Variants in CLIP4 observed in about 807,000 individuals in gnomAD.
The protein encoded by CLIP4 is CAP-Gly domain-containing linker protein 4.
In CLIP4, 47 loss-of-function variants were observed where a neutral mutation model predicts 73.1. The observed-to-expected ratio is 0.64, with a 90% CI of 0.51 to 0.82. The LOEUF (loss-of-function observed/expected upper bound fraction) is 0.82, where lower values mean the gene tolerates loss of function less well. CLIP4 is among the 40% of genes least tolerant of loss of function. The pLI, the probability that CLIP4 is intolerant of heterozygous loss-of-function variation, is 0.00. For missense variants in CLIP4, 874 were observed against 852.9 expected, an observed-to-expected ratio of 1.02 and a Z score of -0.31; for synonymous variants, 306 against 295.4, an observed-to-expected ratio of 1.04 and a Z score of -0.37.
intron 11 of CLIP4, among the ~76,000 whole-genome samples, chr2:29,159,350 G>GA (rs1667138068): frequency 1.3e-5 from 2 of 151,950 alleles, no homozygotes; most frequent in South Asian, 2.1e-4. Flanking sequence ...GTACTGATGG[G>GA]ACAAGGCTCA....
chr2:29,117,389 G>C (rs1419563858), intron 1 of CLIP4, among the ~76,000 whole-genome samples: 1 of 150,936 alleles, frequency 6.6e-6, no homozygotes. Flanking sequence ...TGTCACCCAG[G>C]CTGCAGTGCA....
chr2:29,139,520 C>T (rs1665610286), intron 6 of CLIP4, among the ~76,000 whole-genome samples: 1 of 152,114 alleles, frequency 6.6e-6, no homozygotes, highest in Non-Finnish European at 1.5e-5. Flanking sequence ...AGAAATCCCT[C>T]CTCCTTGGTT....
chr2:29,138,621 C>G (rs534448065), intron 6 of CLIP4, among the ~76,000 whole-genome samples: 2 of 152,032 alleles, frequency 1.3e-5, no homozygotes, highest in African/African-American at 4.8e-5. Flanking sequence ...TTTAATGATA[C>G]TGATTCTTCC....
At chr2:29,154,041 A>G (rs1264509304) in intron 9 of CLIP4, among the ~76,000 whole-genome samples, 1 of 152,178 alleles carries the variant, frequency 6.6e-6, no homozygotes, top group Non-Finnish European at 1.5e-5. Context: ...TCAGTTTTTA[A>G]ATTATGAGTT....
Position 29,162,029 on chromosome 2 carries a change from A to G in CLIP4, c.1534+1562A>G, listed in dbSNP as rs1320207251. On this transcript the variant is annotated intron_variant, in intron 12 of 15. Transcript: ENST00000320081. ...CTTAGGTCTCCAGGTAGTAATTGAGATTAGTTAGGATATACTTAATATAGG... is the reference window on the plus strand; with the variant it reads ...CTTAGGTCTCCAGGTAGTAATTGAGGTTAGTTAGGATATACTTAATATAGG... Among the ~76,000 whole-genome samples the G allele has an allele frequency of 3.3e-5, 5 of 152,176 alleles. No homozygotes were observed. In the East Asian group the frequency reaches 9.6e-4, roughly 29 times the overall value.
At position 29,182,701 on chromosome 2, in the gene CLIP4, A is replaced by C. The variant is rs1321000803; in HGVS notation, c.*808A>C. 2 of 152,626 alleles carry C rather than the reference A, an allele frequency of 1.3e-5. No homozygotes were observed. Among genetic ancestry groups the C allele is most frequent in the Non-Finnish European group, 2.9e-5 (2 of 68,038 alleles). 9.5% of individuals were successfully genotyped at this position (152,626 alleles called of 1,614,324 possible). A position where few individuals can be genotyped will look rare whatever the true frequency, so the allele number is the denominator to read the frequency against. ...AAAAAACCCATGATTAAGGTTTATG[A>C]ATTCAAGTAATAATTAGATTTTTTT... is the stretch of plus-strand genomic sequence containing the variant. On this transcript the variant is annotated 3_prime_UTR_variant, in exon 16 of 16. Transcript: ENST00000320081.
At chr2:29,133,151 A>G (rs755509546) in intron 4 of CLIP4, among the ~76,000 whole-genome samples, 11 of 152,194 alleles carry the variant, frequency 7.2e-5, no homozygotes, top group Non-Finnish European at 1.3e-4. Context: ...TTGTATCACT[A>G]CACTGCAATC....
At chr2:29,136,605 C>T (rs370441764) in intron 6 of CLIP4, among the ~76,000 whole-genome samples, 16 of 148,226 alleles carry the variant, frequency 1.1e-4, no homozygotes, top group Admixed American at 4.0e-4. Context: ...CATGATGGGG[C>T]GGGGGTGGCA....
At chr2:29,107,358 G>GTTTTTTTTTGTTTTTTTTTTTTTTTTT (rs1558504865) in intron 1 of CLIP4, among the ~76,000 whole-genome samples, 1 of 65,352 alleles carries the variant, frequency 1.5e-5, no homozygotes, top group Non-Finnish European at 3.0e-5. Context: ...GAACATGATA[G>GTTTTTTTTTGTTTTTTTTTTTTTTTTT]TTTTTTTTTT....
At chr2:29,175,648 G>T (rs1668282440) in intron 15 of CLIP4, 1 of 152,176 alleles carries the variant, frequency 6.6e-6, no homozygotes, top group South Asian at 2.1e-4. Context: ...GGAAATATCA[G>T]TACTTCCCTG....
chr2:29,159,971 T>C (rs1667183148), intron 11 of CLIP4, among the ~76,000 whole-genome samples: 1 of 152,266 alleles, frequency 6.6e-6, no homozygotes, highest in Admixed American at 6.5e-5. Context: ...AATCCTAACA[T>C]ATTTACTGTC....
chr2:29,174,460 G>T lies in CLIP4; in HGVS notation c.1796+15G>T. ...GCTTTTTCCAAGTGAGTATTAAGAA[G>T]ATTTAGAAAAACACCTTTCAAGATG... On this transcript the variant is annotated intron_variant, in intron 15 of 15. Coordinates refer to ENST00000320081, the MANE Select transcript of CLIP4 (RefSeq NM_024692.6). 1 of 1,605,522 alleles carries T rather than the reference G, an allele frequency of 6.2e-7. No individual in the cohort carries two copies. The highest frequency in any genetic ancestry group is 8.5e-7 in the Non-Finnish European group (1 of 1,178,064).
chr2:29,143,788 C>T lies in CLIP4; in HGVS notation c.728C>T (p.Thr243Ile), dbSNP rs1665953973. 1 of 1,614,078 alleles carries T rather than the reference C, an allele frequency of 6.2e-7. No homozygotes were observed. The highest frequency in any genetic ancestry group is 8.5e-7 in the Non-Finnish European group (1 of 1,179,928). The change falls in exon 7 of 16, where the codon ACT (threonine) becomes ATT (isoleucine). Residue 243 changes from threonine to isoleucine, a missense_variant. Coordinates refer to ENST00000320081, the MANE Select transcript of CLIP4 (RefSeq NM_024692.6). ...MPLEMADAAA[T>I]AKEIKQMLLD... ...TTAGAGATGGCTGACGCCGCAGCCACTGCTAAGGAAATCAAGCAGATGCTT... is the reference window on the plus strand; with the variant it reads ...TTAGAGATGGCTGACGCCGCAGCCATTGCTAAGGAAATCAAGCAGATGCTT...
intron 9 of CLIP4, among the ~76,000 whole-genome samples, chr2:29,154,913 T>A (rs573762742): frequency 6.6e-6 from 1 of 152,296 alleles, no homozygotes; most frequent in Non-Finnish European, 1.5e-5. Flanking sequence ...GTTGACTGCC[T>A]GCTAAAATGA....
chr2:29,171,224 T>C (rs974166805), intron 14 of CLIP4, among the ~76,000 whole-genome samples: 1 of 152,218 alleles, frequency 6.6e-6, no homozygotes, highest in Non-Finnish European at 1.5e-5. Flanking sequence ...TTTTTACCTA[T>C]AAACATGGAC....
At chr2:29,146,151 T>C (rs1457423387) in intron 8 of CLIP4, among the ~76,000 whole-genome samples, 2 of 152,150 alleles carry the variant, frequency 1.3e-5, no homozygotes, top group Non-Finnish European at 2.9e-5. Context: ...AGAGGGGTTT[T>C]TTCGTTAGTA....
rs35592808 is a variant in CLIP4, at chr2:29,152,388, TAAA to T, written c.1022-291_1022-289del. ...ATTTCTTAAAAGTTACCGTAAAGGT[TAAA>T]AAAAATGATAGAAAACTATCAATAT... On this transcript the variant is annotated intron_variant, in intron 8 of 15. Transcript: ENST00000320081. Among the ~76,000 whole-genome samples, 6 of 151,742 alleles carry T rather than the reference TAAA, an allele frequency of 4.0e-5. No homozygotes were observed. In the South Asian group the frequency reaches 1.2e-3, roughly 32 times the overall value.
At chr2:29,127,178 A>G (rs1368461860) in intron 2 of CLIP4, among the ~76,000 whole-genome samples, 4 of 152,220 alleles carry the variant, frequency 2.6e-5, no homozygotes, top group African/African-American at 9.6e-5. Flanking sequence ...GATAATATCT[A>G]AGGGGCTTTA....
chr2:29,132,285 G>A (rs1665028735), intron 4 of CLIP4, 40 bp downstream of exon 4: 1 of 1,476,260 alleles, frequency 6.8e-7, no homozygotes, highest in East Asian at 2.3e-5. Context: ...TATGTCATCT[G>A]CACTTGTGCT....
Sources: gnomAD v4.1 joint callset for allele counts (sites outside exome capture counted in the v4.1 genomes callset) on GRCh38, gnomAD v4.1.1 for gene constraint, MANE v1.5 for transcripts, NCBI Gene and HGNC (gene_info 2026-07-23, HGNC 2026-07-21) for gene names.